LYST: variants seen among roughly 807,000 people sequenced by gnomAD.
LYST encodes the protein lysosomal-trafficking regulator.
A neutral mutation model predicts 413.6 loss-of-function variants in LYST; 192 were observed. The observed-to-expected ratio is 0.46, with a 90% CI of 0.41 to 0.52. The LOEUF is 0.52. Ranked by LOEUF, LYST falls within the 20% of genes least tolerant of loss-of-function variation. LYST has a pLI of 0.00. For synonymous variants in LYST, 1,525 were observed against 1,567.3 expected (o/e 0.97, Z 0.64); for missense variants, 3,815 against 4,499.9 (o/e 0.85, Z 4.35).
At chr1:235,685,893 C>A (rs16832802) in intron 48 of LYST, among the ~76,000 whole-genome samples, 7,737 of 150,996 alleles carry the variant, frequency 0.051, 624 homozygotes, top group African/African-American at 0.17. Context: ...AAACGAAGAA[C>A]CTGGGAGTCA....
intron 1 of LYST, among the ~76,000 whole-genome samples, chr1:235,845,430 G>T (rs187733831): frequency 1.3e-5 from 2 of 152,302 alleles, no homozygotes; most frequent in African/African-American, 4.8e-5. Context: ...ACCCCACAGG[G>T]AAAGGAATTC....
At chr1:235,684,194 T>A (rs1660038989) in intron 48 of LYST, among the ~76,000 whole-genome samples, 1 of 152,212 alleles carries the variant, frequency 6.6e-6, no homozygotes, top group African/African-American at 2.4e-5. Context: ...TCCTCAAAGC[T>A]ATCCTGTGCA....
Position 235,743,961 on chromosome 1 carries a change from T to C in LYST, c.8151+18A>G. 1 of 1,229,976 alleles carries C rather than the reference T, an allele frequency of 8.1e-7. No homozygotes were observed. 76.2% of individuals were successfully genotyped at this position (1,229,976 alleles called of 1,614,324 possible). ...CCTTTGTGTGAATGAACATTTCCCA[T>C]GTAATTAATTTACTTACAATAGATA... On this transcript the variant is annotated intron_variant, in intron 30 of 52. Coordinates refer to ENST00000389793, the MANE Select transcript of LYST (RefSeq NM_000081.4).
chr1:235,716,142 A>C (rs1172970360), intron 41 of LYST, among the ~76,000 whole-genome samples: 1 of 152,228 alleles, frequency 6.6e-6, no homozygotes, highest in East Asian at 1.9e-4. Context: ...AATGTGATGA[A>C]TATGAGAAAA....
In LYST at chr1:235,734,532, A is replaced by C. The variant is rs1391087771; in HGVS notation, c.8486T>G (p.Ile2829Ser). 1 of 1,613,660 alleles carries C rather than the reference A, an allele frequency of 6.2e-7. No homozygotes were observed. Among genetic ancestry groups the C allele is most frequent in the Admixed American group, 1.7e-5 (1 of 60,012 alleles). The change falls in exon 32 of 53, where the codon ATC becomes AGC. Residue 2829 changes from isoleucine to serine, a missense_variant. Around this residue, in one of 4 missense-constraint regions of LYST, gnomAD observed 771 missense variants for 837.1 expected, o/e 0.92. Transcript: ENST00000389793. ...NALKLCGHKC[I>S]PPSASTKADL... The stretch of plus-strand genomic sequence containing the variant: ...TGCTTTTGTTGATGCACTGGGAGGG[A>C]TGCACTTGTGACCACATAACTTCAA...
chr1:235,817,392 T>C (rs1674274808), intron 3 of LYST, among the ~76,000 whole-genome samples: 1 of 152,140 alleles, frequency 6.6e-6, no homozygotes, highest in South Asian at 2.1e-4. Flanking sequence ...CAAAGGAATA[T>C]AAACCATTCT....
chr1:235,842,277 G>A (rs1347478578), intron 1 of LYST, among the ~76,000 whole-genome samples: 1 of 151,986 alleles, frequency 6.6e-6, no homozygotes, highest in Non-Finnish European at 1.5e-5. Context: ...AGGCAATCAA[G>A]GAAGTGTGGA....
At chr1:235,690,787 G>A (rs1298297863) in intron 47 of LYST, among the ~76,000 whole-genome samples, 2 of 152,192 alleles carry the variant, frequency 1.3e-5, no homozygotes, top group Non-Finnish European at 2.9e-5. Flanking sequence ...GGAAATCAGA[G>A]GATGAATGGT....
intron 1 of LYST, among the ~76,000 whole-genome samples, chr1:235,856,408 G>A (rs1030822479): frequency 7.2e-5 from 11 of 152,150 alleles, no homozygotes; most frequent in Admixed American, 6.5e-4. Flanking sequence ...CTCAGGCAAG[G>A]TGCTTAACCT....
chr1:235,721,732 G>A (rs1257803531), intron 39 of LYST, among the ~76,000 whole-genome samples: 3 of 152,098 alleles, frequency 2.0e-5, no homozygotes, highest in Non-Finnish European at 2.9e-5. Context: ...AATTGTTAGC[G>A]CTAAGGTCCA....
intron 10 of LYST, among the ~76,000 whole-genome samples, chr1:235,799,280 C>T (rs1379749381): frequency 1.3e-5 from 2 of 152,002 alleles, no homozygotes; most frequent in Non-Finnish European, 2.9e-5. Context: ...ATATTTTTTT[C>T]ATAATACTAA....
chr1:235,829,981 A>G (rs1675768709), intron 3 of LYST: 1 of 381,980 alleles, frequency 2.6e-6, no homozygotes, highest in Non-Finnish European at 4.7e-6. Flanking sequence ...TTACGATAAA[A>G]AGCATAGTAT....
intron 42 of LYST, chr1:235,713,182 A>G: frequency 1.0e-6 from 1 of 985,310 alleles, no homozygotes; most frequent in Non-Finnish European, 1.2e-6. Context: ...AAAATCTGGG[A>G]AGAAATAAGG....
intron 28 of LYST, 63 bp downstream of exon 28, chr1:235,751,147 A>G: frequency 6.9e-7 from 1 of 1,445,968 alleles, no homozygotes. Flanking sequence ...GAATGGCATA[A>G]GAACATAGGA....
At chr1:235,846,357 A>C (rs905038132) in intron 1 of LYST, among the ~76,000 whole-genome samples, 1 of 152,178 alleles carries the variant, frequency 6.6e-6, no homozygotes, top group Non-Finnish European at 1.5e-5. Context: ...CCCGTGGGAC[A>C]AAAGAATCTG....
rs530938868 is a variant in LYST, at chr1:235,762,796, G to A, written c.6177C>T (p.Ser2059=). 6.2e-7 allele frequency: 1 copy of A among 1,612,838 alleles called. No homozygotes were observed. Among genetic ancestry groups the A allele is most frequent in the South Asian group, 1.1e-5 (1 of 91,048 alleles). Residue 2059 remains serine, a synonymous_variant, in exon 22 of 53, where the codon AGC becomes AGT. Transcript: ENST00000389793. ...GGCTCATAAGGGACCTTCCTCCACTGCTGGAATGCCTCAGGTACATGATTG... is the reference window on the plus strand; with the variant it reads ...GGCTCATAAGGGACCTTCCTCCACTACTGGAATGCCTCAGGTACATGATTG... ...VRSIMYLRHS[S]SGGRSLMSPG...
At chr1:235,663,796 T>C (rs955430397) in intron 52 of LYST, among the ~76,000 whole-genome samples, 188 bp downstream of exon 52, 4 of 152,176 alleles carry the variant, frequency 2.6e-5, no homozygotes, top group African/African-American at 9.7e-5. Context: ...GATTTTAAGC[T>C]CCATGAAGAC....
intron 39 of LYST, among the ~76,000 whole-genome samples, chr1:235,722,073 C>A (rs1267018338): frequency 1.3e-5 from 2 of 152,142 alleles, no homozygotes; most frequent in African/African-American, 4.8e-5. Flanking sequence ...CAAAGCAAAT[C>A]ATTAGGATTT....
At chr1:235,677,424 A>G (rs905860056) in intron 49 of LYST, 56 bp downstream of exon 49, 2 of 1,559,866 alleles carry the variant, frequency 1.3e-6, no homozygotes, top group African/African-American at 2.7e-5. Context: ...TATTTCATAT[A>G]GTAAAAATGG....
Sources: allele counts gnomAD v4.1 joint callset (sites outside exome capture counted in the v4.1 genomes callset), GRCh38; gene constraint gnomAD v4.1.1; regional missense constraint gnomAD v4.1.1; transcripts MANE v1.5; gene names NCBI Gene and HGNC (gene_info 2026-07-23, HGNC 2026-07-21).